Variants in TWIST2 observed in about 807,000 individuals in gnomAD.
The protein encoded by TWIST2 is twist family bHLH transcription factor 2.
A neutral mutation model predicts 11.6 loss-of-function variants in TWIST2; 1 was observed. The observed-to-expected ratio is 0.09, with a 90% CI of 0.03 to 0.41. TWIST2 has a LOEUF of 0.41. Ranked by LOEUF, TWIST2 falls within the 10% of genes least tolerant of loss-of-function variation. TWIST2 has a pLI of 0.98. For synonymous variants in TWIST2, 87 were observed against 96.6 expected (o/e 0.90, Z 0.58); for missense variants, 168 against 226.4 (o/e 0.74, Z 1.66).
At chr2:238,861,402 C>T (rs901484696) in intron 1 of TWIST2, among the ~76,000 whole-genome samples, 1 of 152,146 alleles carries the variant, frequency 6.6e-6, no homozygotes. Flanking sequence ...GCTCTGTATG[C>T]CTGGGGGGAC....
chr2:238,862,884 C>T (rs145690851), intron 1 of TWIST2, among the ~76,000 whole-genome samples: 2,252 of 152,208 alleles, frequency 0.015, 56 homozygotes, highest in African/African-American at 0.051. Flanking sequence ...AATAAAGTGA[C>T]GGCCATGATT....
chr2:238,854,315 A>G (rs559219551), intron 1 of TWIST2, among the ~76,000 whole-genome samples: 1 of 152,278 alleles, frequency 6.6e-6, no homozygotes, highest in African/African-American at 2.4e-5. Context: ...TTAGAGTCCT[A>G]ATTCTCACTG....
At chr2:238,905,469 C>T (rs1177650365) in intron 1 of TWIST2, among the ~76,000 whole-genome samples, 3 of 152,122 alleles carry the variant, frequency 2.0e-5, no homozygotes, top group Non-Finnish European at 4.4e-5. Flanking sequence ...ATCAAGGGGG[C>T]CAGGCCCGGA....
At position 238,848,112 on chromosome 2, in the gene TWIST2, T is replaced by G. The variant is rs1692163900; in HGVS notation, c.-104T>G. ...ACAAGCCGGCCTTGAAATCAGAGCC[T>G]TTCCAGCAACTCCGAGAGCGTGTGC... On this transcript the variant is annotated 5_prime_UTR_variant, in exon 1 of 2. Transcript: ENST00000612363. 1 of 975,868 alleles carries G rather than the reference T, an allele frequency of 1.0e-6. No individual in the cohort carries two copies. Among genetic ancestry groups the G allele is most frequent in the African/African-American group, 1.7e-5 (1 of 57,876 alleles). 60.5% of individuals were successfully genotyped at this position (975,868 alleles called of 1,614,324 possible). A position where few individuals can be genotyped will look rare whatever the true frequency, so the allele number is the denominator to read the frequency against.
chr2:238,909,438 G>C (rs1693415597), intron 1 of TWIST2, among the ~76,000 whole-genome samples: 1 of 152,118 alleles, frequency 6.6e-6, no homozygotes, highest in Non-Finnish European at 1.5e-5. Flanking sequence ...CAGCTCCCTC[G>C]GGCCTGCACG....
At chr2:238,876,277 TC>T (rs1692804942) in intron 1 of TWIST2, among the ~76,000 whole-genome samples, 1 of 152,156 alleles carries the variant, frequency 6.6e-6, no homozygotes, top group Non-Finnish European at 1.5e-5. Context: ...CTGTCCTTAC[TC>T]CTAAGGAGTT....
intron 1 of TWIST2, among the ~76,000 whole-genome samples, chr2:238,907,811 G>A (rs893702078): frequency 2.4e-4 from 35 of 143,732 alleles, no homozygotes; most frequent in Admixed American, 1.8e-3. Flanking sequence ...CACACCACGC[G>A]CCACACAAAT....
At chr2:238,858,522 G>T (rs767415300) in intron 1 of TWIST2, among the ~76,000 whole-genome samples, 1 of 152,150 alleles carries the variant, frequency 6.6e-6, no homozygotes, top group Non-Finnish European at 1.5e-5. Flanking sequence ...GTGTCTGGGG[G>T]ATCCACGGTT....
At chr2:238,869,518 C>G (rs1449590610) in intron 1 of TWIST2, among the ~76,000 whole-genome samples, 2 of 152,082 alleles carry the variant, frequency 1.3e-5, no homozygotes, top group African/African-American at 2.4e-5. Context: ...AATTAGATAG[C>G]CTGCATAAAA....
chr2:238,884,583 G>C (rs1019801198), intron 1 of TWIST2, among the ~76,000 whole-genome samples: 43 of 152,224 alleles, frequency 2.8e-4, no homozygotes, highest in African/African-American at 1.0e-3. Context: ...ACCGGACTGG[G>C]CTGGCGAGGT....
chr2:238,873,611 G>A (rs1010290133), intron 1 of TWIST2, among the ~76,000 whole-genome samples: 3 of 152,134 alleles, frequency 2.0e-5, no homozygotes, highest in African/African-American at 4.8e-5. Context: ...GGTGCACACC[G>A]TGCACAAGGA....
At chr2:238,873,310 G>C (rs912319826) in intron 1 of TWIST2, among the ~76,000 whole-genome samples, 1 of 152,126 alleles carries the variant, frequency 6.6e-6, no homozygotes, top group Non-Finnish European at 1.5e-5. Context: ...GGGGAGGGGA[G>C]GGCAGGCAGG....
chr2:238,849,562 G>C (rs546775331), intron 1 of TWIST2, among the ~76,000 whole-genome samples: 2 of 152,292 alleles, frequency 1.3e-5, no homozygotes, highest in East Asian at 3.9e-4. Context: ...CCCGGGAGGG[G>C]CCCCGCCCAT....
chr2:238,906,828 C>T (rs1331826288), intron 1 of TWIST2, among the ~76,000 whole-genome samples: 1 of 152,210 alleles, frequency 6.6e-6, no homozygotes, highest in Non-Finnish European at 1.5e-5. Context: ...TGGGCTGACA[C>T]CCACCCCTCC....
At chr2:238,859,838 G>A (rs547781959) in intron 1 of TWIST2, among the ~76,000 whole-genome samples, 1 of 152,284 alleles carries the variant, frequency 6.6e-6, no homozygotes, top group African/African-American at 2.4e-5. Flanking sequence ...GAGGCACACT[G>A]TTTCTTTTGC....
intron 1 of TWIST2, among the ~76,000 whole-genome samples, chr2:238,869,799 G>T (rs916304258): frequency 6.6e-6 from 1 of 152,036 alleles, no homozygotes; most frequent in Non-Finnish European, 1.5e-5. Context: ...AAATAAAAAA[G>T]TAGCAGGGTG....
intron 1 of TWIST2, among the ~76,000 whole-genome samples, chr2:238,905,938 T>TGCGCGCGCGCGCGC (rs1268842981): frequency 1.4e-5 from 2 of 142,598 alleles, no homozygotes; most frequent in African/African-American, 2.8e-5. Flanking sequence ...TGTGCGCGTG[T>TGCGCGCGCGCGCGC]GTGTGCGCGC....
rs576335112 is a variant in TWIST2, at chr2:238,859,732, T to C, written c.*35+10999T>C. Reference sequence around the variant, plus strand: ...TCCTGCTTCAGCACTTATCCAACTCTTCTAGTTGTGCCTAAGAGCATTTTC... The same window carrying C: ...TCCTGCTTCAGCACTTATCCAACTCCTCTAGTTGTGCCTAAGAGCATTTTC... On this transcript the variant is annotated intron_variant, in intron 1 of 1. Coordinates refer to ENST00000612363, the MANE Select transcript of TWIST2 (RefSeq NM_001271893.4). Among the ~76,000 whole-genome samples the C allele has an allele frequency of 7.9e-5, 12 of 152,310 alleles. No individual in the cohort carries two copies. In the South Asian group the frequency reaches 2.5e-3, roughly 32 times the overall value.
chr2:238,866,419 G>C lies in TWIST2; in HGVS notation c.*35+17686G>C, dbSNP rs1044214996. Among the ~76,000 whole-genome samples the C allele has an allele frequency of 6.6e-6, 1 of 152,218 alleles. No individual in the cohort carries two copies. The highest frequency in any genetic ancestry group is 2.4e-5 in the African/African-American group (1 of 41,456). ...CACACCTGTAATCCTGGCACTTTGG[G>C]AGGCTGAGGCAGGCAGATCACGAGG... On this transcript the variant is annotated intron_variant, in intron 1 of 1. Transcript: ENST00000612363. The surrounding 1 kb of genome is among the most constrained non-coding windows in gnomAD (Gnocchi z 4.9).
Sources: allele counts gnomAD v4.1 joint callset (sites outside exome capture counted in the v4.1 genomes callset), GRCh38; gene constraint gnomAD v4.1.1; non-coding constraint Gnocchi (gnomAD v3.1); transcripts MANE v1.5; gene names NCBI Gene and HGNC (gene_info 2026-07-23, HGNC 2026-07-21).